Variants in COL6A3 observed in about 807,000 individuals in gnomAD.
The protein encoded by COL6A3 is collagen alpha-3(VI) chain.
A neutral mutation model predicts 274.1 loss-of-function variants in COL6A3; 137 were observed. The ratio of observed to expected loss-of-function variants is 0.50; its 90% CI spans 0.44 to 0.58. The LOEUF is 0.58. Ranked by LOEUF, COL6A3 falls within the 20% of genes least tolerant of loss-of-function variation. The pLI is 0.00. For missense variants in COL6A3, 3,950 were observed against 4,124.9 expected (o/e 0.96, Z 1.16); for synonymous variants, 1,650 against 1,650.6 (o/e 1.00, Z 0.01).
chr2:237,379,368 T>TTGTAAAATATGGCAGA, intron 5 of COL6A3, 133 bp from the exon 6 acceptor site: 1 of 1,115,672 alleles, frequency 9.0e-7, no homozygotes, highest in Non-Finnish European at 1.3e-6. Context: ...CATGTCCATC[T>TTGTAAAATATGGCAGA]TGTAAAATAT....
rs2077617680 is a variant in COL6A3 at position 237,368,869 on chromosome 2, C to A, written c.4594G>T (p.Ala1532Ser). 1 of 1,614,088 alleles carries A rather than the reference C, an allele frequency of 6.2e-7. No individual in the cohort carries two copies. The highest frequency in any genetic ancestry group is 1.3e-5 in the African/African-American group (1 of 74,946). ...FVARNLFVKS[A>S]GSRIEDGVPQ... Reference sequence around the variant, plus strand: ...ACCCCGTCTTCTATGCGACTCCCCGCAGACTTAACAAAGAGGTTTCTTGCC... The same window carrying A: ...ACCCCGTCTTCTATGCGACTCCCCGAAGACTTAACAAAGAGGTTTCTTGCC... The change falls in exon 10 of 44, where the codon GCG (alanine) becomes TCG (serine). Residue 1532 changes from alanine (A) to serine (S), a missense_variant. Coordinates refer to ENST00000295550, the MANE Select transcript of COL6A3 (RefSeq NM_004369.4). The surrounding 1 kb of genome is among the most constrained non-coding windows in gnomAD (Gnocchi z 4.4).
At position 237,361,614 on chromosome 2, in the gene COL6A3, T is replaced by C; in HGVS notation, c.6156+125A>G. 1 of 939,654 alleles carries C rather than the reference T, an allele frequency of 1.1e-6. No homozygotes were observed. The highest frequency in any genetic ancestry group is 1.7e-5 in the Admixed American group (1 of 57,384). The allele number at this position is 939,654 out of a possible 1,614,324, so 58.2% of individuals were successfully genotyped here. A position where few individuals can be genotyped will look rare whatever the true frequency, so the allele number is the denominator to read the frequency against. On this transcript the variant is annotated intron_variant, in intron 15 of 43. Coordinates refer to ENST00000295550, the MANE Select transcript of COL6A3 (RefSeq NM_004369.4). This position sits in a 1 kb window ranked among gnomAD's most constrained non-coding sequence, Gnocchi z 5.1. ...CCCCTCAGAGCTCCTCCTTCTAACA[T>C]AAGAAATGGTCTCTCGTCTCCTCCT...
intron 16 of COL6A3, 151 bp from the exon 17 acceptor site, chr2:237,360,310 G>A: frequency 1.3e-6 from 1 of 791,430 alleles, no homozygotes; most frequent in East Asian, 2.7e-5. Context: ...ACGTGAGCCA[G>A]GGAGCCTCTT....
chr2:237,345,158 C>T (rs767419389), intron 33 of COL6A3, 23 bp downstream of exon 33: 1 of 1,614,144 alleles, frequency 6.2e-7, no homozygotes, highest in Non-Finnish European at 8.5e-7. Context: ...GTTAATGAGT[C>T]ATTCTGGACA....
At chr2:237,376,571 T>G (rs993945393) in intron 7 of COL6A3, among the ~76,000 whole-genome samples, 1 of 152,208 alleles carries the variant, frequency 6.6e-6, no homozygotes, top group African/African-American at 2.4e-5. Flanking sequence ...CTCATTCTCC[T>G]GAGAGAGCAG....
At position 237,341,018 on chromosome 2, in the gene COL6A3, A is replaced by G; in HGVS notation, c.7898T>C (p.Phe2633Ser). 6.2e-7 allele frequency: 1 copy of G among 1,614,136 alleles called. No homozygotes were observed. Among genetic ancestry groups the G allele is most frequent in the Non-Finnish European group, 8.5e-7 (1 of 1,180,032 alleles). ...ILDSAETTTL[F>S]QFNEMKKYIA... ...GTACTTCTTCATCTCATTGAACTGG[A>G]ACAGGGTGGTGGTCTCAGCGCTGTC... is the stretch of plus-strand genomic sequence containing the variant. The change falls in exon 38 of 44, where the codon TTC becomes TCC. Residue 2633 changes from phenylalanine (F) to serine (S), a missense_variant. By Grantham distance (155) the Phe-to-Ser change is radical. Coordinates refer to ENST00000295550, the MANE Select transcript of COL6A3 (RefSeq NM_004369.4).
chr2:237,350,572 A>G (rs1205595814), intron 27 of COL6A3, among the ~76,000 whole-genome samples: 2 of 152,216 alleles, frequency 1.3e-5, no homozygotes, highest in Non-Finnish European at 2.9e-5. Flanking sequence ...TACAGAGAAC[A>G]TGCAGTCTTT....
In COL6A3 at chr2:237,358,601, G is replaced by C; in HGVS notation, c.6409-18C>G. ...TTATCACCCTAAAGAAAAAGCACAA[G>C]TGGATGCTAAAAACTAGATGTTTCC... On this transcript the variant is annotated intron_variant, in intron 20 of 43. Transcript: ENST00000295550. 6.2e-7 allele frequency: 1 copy of C among 1,608,092 alleles called. No homozygotes were observed. The highest frequency in any genetic ancestry group is 8.5e-7 in the Non-Finnish European group (1 of 1,174,700).
rs1272949216 is a variant in COL6A3 at position 237,339,069 on chromosome 2, C to A, written c.8513G>T (p.Trp2838Leu). ...CTTTGTGGGTTGGTCCCCTTGGAAC[C>A]AATCACACTGTTTCCTGATATCTGG... ...LSPDIRKQCD[W>L]FQGDQPTKNL... The change falls in exon 39 of 44, where the codon TGG (tryptophan) becomes TTG (leucine). Residue 2838 changes from tryptophan (W) to leucine (L), a missense_variant. Around this residue, in one of 5 missense-constraint regions of COL6A3, gnomAD observed 1,284 missense variants for 1,349.7 expected, o/e 0.95. Coordinates refer to ENST00000295550, the MANE Select transcript of COL6A3 (RefSeq NM_004369.4). The A allele has an allele frequency of 6.2e-7, 1 of 1,614,050 alleles. No homozygotes were observed. Among genetic ancestry groups the A allele is most frequent in the Non-Finnish European group, 8.5e-7 (1 of 1,179,962 alleles).
At chr2:237,394,564 T>C (rs372067255) in intron 3 of COL6A3, 23 bp downstream of exon 3, 17 of 1,613,478 alleles carry the variant, frequency 1.1e-5, no homozygotes, top group African/African-American at 5.3e-5. Flanking sequence ...GGGCAGGGCG[T>C]AGCTTGGTGG....
At chr2:237,358,428 A>G (rs1296655247) in intron 21 of COL6A3, 93 bp downstream of exon 21, 2 of 1,086,034 alleles carry the variant, frequency 1.8e-6, no homozygotes, top group African/African-American at 1.6e-5. Flanking sequence ...TTTTAAAGCA[A>G]TTTCAAAAGT....
Position 237,371,563 on chromosome 2 carries a change from A to C in COL6A3, c.4285+169T>G, listed in dbSNP as rs1468943909. The stretch of plus-strand genomic sequence containing the variant: ...AAATGAGTTATGATCATGCCACTGC[A>C]CTCCAGCCTGGACGACAGAGCCAGA... On this transcript the variant is annotated intron_variant, in intron 9 of 43. Coordinates refer to ENST00000295550, the MANE Select transcript of COL6A3 (RefSeq NM_004369.4). The surrounding 1 kb of genome is among the most constrained non-coding windows in gnomAD (Gnocchi z 4.3). The C allele has an allele frequency of 2.1e-6, 3 of 1,422,948 alleles. No homozygotes were observed. The highest frequency in any genetic ancestry group is 2.5e-5 in the Admixed American group (1 of 40,340). The allele number at this position is 1,422,948 out of a possible 1,614,324, so 88.1% of individuals were successfully genotyped here. A position where few individuals can be genotyped will look rare whatever the true frequency, so the allele number is the denominator to read the frequency against.
chr2:237,379,158 G>T lies in COL6A3; in HGVS notation c.1975C>A (p.Arg659Ser). 1 of 1,614,156 alleles carries T rather than the reference G, an allele frequency of 6.2e-7. No homozygotes were observed. The highest frequency in any genetic ancestry group is 8.5e-7 in the Non-Finnish European group (1 of 1,180,014). ...NVGKTNFPYV[R>S]DFVMNLVNSL... ...TTAACTAGGTTCATTACAAAGTCGC[G>T]CACATAAGGGAAATTGGTTTTTCCA... Residue 659 changes from arginine (R) to serine (S), a missense_variant, in exon 6 of 44, where the codon CGC (arginine) becomes AGC (serine). Coordinates refer to ENST00000295550, the MANE Select transcript of COL6A3 (RefSeq NM_004369.4).
chr2:237,377,624 G>A (rs564862339), intron 6 of COL6A3, among the ~76,000 whole-genome samples: 1 of 152,316 alleles, frequency 6.6e-6, no homozygotes, highest in South Asian at 2.1e-4. Context: ...ACTGGGTTGT[G>A]TTCTTACATC....
chr2:237,347,895 C>CGCAAGTA, intron 30 of COL6A3, 26 bp from the exon 31 acceptor site: 1 of 1,598,110 alleles, frequency 6.3e-7, no homozygotes, highest in Non-Finnish European at 8.5e-7. Flanking sequence ...AGAAGTGGCA[C>CGCAAGTA]AGTAAGCTTT....
intron 42 of COL6A3, chr2:237,326,914 A>T (rs181451091): frequency 9.9e-5 from 15 of 152,282 alleles, no homozygotes; most frequent in African/African-American, 3.6e-4. Context: ...GGTCTAAAAC[A>T]TTTCCTGGTT....
intron 36 of COL6A3, chr2:237,343,147 T>C (rs1044514649): frequency 6.6e-6 from 1 of 152,146 alleles, no homozygotes; most frequent in African/African-American, 2.4e-5. Flanking sequence ...CCATCACCCA[T>C]CTGTCTTGAA....
rs2106360184 is a variant in COL6A3, at chr2:237,374,045, A to C, written c.3679+367T>G. On this transcript the variant is annotated intron_variant, in intron 8 of 43. Coordinates refer to ENST00000295550, the MANE Select transcript of COL6A3 (RefSeq NM_004369.4). This position sits in a 1 kb window ranked among gnomAD's most constrained non-coding sequence, Gnocchi z 4.8. The stretch of plus-strand genomic sequence containing the variant: ...TGCCTCACAGAAGGCTGCTGACCAA[A>C]CCTACCAGGGGTCGCAGGACTGATA... Among the ~76,000 whole-genome samples, 1 of 152,274 alleles carries C rather than the reference A, an allele frequency of 6.6e-6. No homozygotes were observed. Among genetic ancestry groups the C allele is most frequent in the Middle Eastern group, 3.4e-3 (1 of 294 alleles).
At chr2:237,394,562 C>A in intron 3 of COL6A3, 25 bp downstream of exon 3, 1 of 1,613,338 alleles carries the variant, frequency 6.2e-7, no homozygotes, top group East Asian at 2.2e-5. Flanking sequence ...CAGGGCAGGG[C>A]GTAGCTTGGT....
Sources: allele counts gnomAD v4.1 joint callset (sites outside exome capture counted in the v4.1 genomes callset), GRCh38; gene constraint gnomAD v4.1.1; regional missense constraint gnomAD v4.1.1; non-coding constraint Gnocchi (gnomAD v3.1); transcripts MANE v1.5; gene names NCBI Gene and HGNC (gene_info 2026-07-23, HGNC 2026-07-21).